The following MACROD1 variants were observed in gnomAD, a reference collection of about 807,000 sequenced individuals.
MACROD1 encodes the protein mono-ADP ribosylhydrolase 1.
Under a neutral mutation model 41.4 loss-of-function variants are expected in MACROD1, and 31 were observed. The ratio of observed to expected loss-of-function variants is 0.75; its 90% confidence interval spans 0.56 to 1.01. The LOEUF (loss-of-function observed/expected upper bound fraction) is 1.01. Among genes scored for constraint, MACROD1 ranks in the 50% least tolerant of loss-of-function variants. The probability of loss-of-function intolerance (pLI) is 0.00; values close to 1 mark genes in which losing one functional copy is unlikely to be tolerated. For synonymous variants in MACROD1, 252 were observed against 203.4 expected, an observed-to-expected ratio of 1.24 and a Z score of -2.03; for missense variants, 473 against 460.0, an observed-to-expected ratio of 1.03 and a Z score of -0.26.
chr11:64,100,796 C>T (rs138991506), intron 3 of MACROD1, among the ~76,000 whole-genome samples: 125 of 152,286 alleles, frequency 8.2e-4, no homozygotes, highest in Non-Finnish European at 1.5e-3. Context: ...AGGGCACAGA[C>T]GCTGAGGAGC....
At chr11:64,150,105 G>T (rs1290617272) in intron 3 of MACROD1, among the ~76,000 whole-genome samples, 3 of 152,358 alleles carry the variant, frequency 2.0e-5, no homozygotes, top group Admixed American at 2.0e-4. Flanking sequence ...CAGCTTTGCA[G>T]TCAACAGTGG....
rs1212100317 is a variant in MACROD1, at chr11:64,036,455, C to T, written c.518-21174G>A. Among the ~76,000 whole-genome samples, 3 of 151,394 alleles carry T rather than the reference C, an allele frequency of 2.0e-5. No homozygotes were observed. Among genetic ancestry groups the T allele is most frequent in the African/African-American group, 7.3e-5 (3 of 41,216 alleles). ...GCCGAGGCTGGAAAGGGCGGGGGCT[C>T]AGCTGGAGCTCTAGTCCAAGCCCTC... On this transcript the variant is annotated intron_variant, in intron 3 of 10. Coordinates refer to ENST00000255681, the MANE Select transcript of MACROD1 (RefSeq NM_014067.4). The surrounding 1 kb of genome is among the most constrained non-coding windows in gnomAD (Gnocchi z 5.6).
intron 3 of MACROD1, among the ~76,000 whole-genome samples, chr11:64,043,046 G>T (rs886663546): frequency 6.6e-6 from 1 of 152,156 alleles, no homozygotes; most frequent in African/African-American, 2.4e-5. Context: ...ACTTGGGCTC[G>T]AAGCCCACCT....
Position 64,089,673 on chromosome 11 carries a change from G to A in MACROD1, c.517+61566C>T, listed in dbSNP as rs565020915. Among the ~76,000 whole-genome samples the A allele has an allele frequency of 2.0e-5, 3 of 152,342 alleles. No homozygotes were observed. The East Asian group carries it at 5.8e-4, about 29-fold the overall frequency. ...TCCTGGGGTGGAGGTGATGCCTTGA[G>A]AGAAGCTGGCCCAGGGCCTGGACAA... On this transcript the variant is annotated intron_variant, in intron 3 of 10. Transcript: ENST00000255681.
At chr11:64,073,909 G>T (rs1944154330) in intron 3 of MACROD1, among the ~76,000 whole-genome samples, 1 of 152,194 alleles carries the variant, frequency 6.6e-6, no homozygotes, top group Admixed American at 6.5e-5. Context: ...CTCTGGGGTT[G>T]AAGGGTTGGT....
intron 3 of MACROD1, among the ~76,000 whole-genome samples, chr11:64,021,733 T>C (rs1233616655): frequency 1.3e-5 from 2 of 151,612 alleles, no homozygotes; most frequent in Non-Finnish European, 2.9e-5. Context: ...GTGAGCCGGA[T>C]CTCAGCCTTC....
At chr11:64,099,851 GAATA>G (rs1944641065) in intron 3 of MACROD1, among the ~76,000 whole-genome samples, 1 of 151,854 alleles carries the variant, frequency 6.6e-6, no homozygotes, top group African/African-American at 2.4e-5. Context: ...ATGGATGAAT[GAATA>G]GAGAAATGGT....
chr11:64,111,521 C>T (rs1247722263), intron 3 of MACROD1, among the ~76,000 whole-genome samples: 3 of 152,224 alleles, frequency 2.0e-5, no homozygotes, highest in East Asian at 1.9e-4. Flanking sequence ...AAGGGACAGA[C>T]GTGCAGTGGG....
chr11:64,086,719 G>A (rs1234176980), intron 3 of MACROD1, among the ~76,000 whole-genome samples: 2 of 152,184 alleles, frequency 1.3e-5, no homozygotes, highest in African/African-American at 4.8e-5. Context: ...CATGAAGAAG[G>A]AAGGTTCTCG....
chr11:64,072,089 C>A (rs746282068), intron 3 of MACROD1, among the ~76,000 whole-genome samples: 8 of 152,250 alleles, frequency 5.3e-5, no homozygotes, highest in Non-Finnish European at 8.8e-5. Context: ...CGAATCGAAT[C>A]GACTGCTGAA....
At chr11:64,136,017 A>C (rs1364844297) in intron 3 of MACROD1, among the ~76,000 whole-genome samples, 1 of 152,192 alleles carries the variant, frequency 6.6e-6, no homozygotes, top group Admixed American at 6.5e-5. Flanking sequence ...CGTCCTAGGC[A>C]GCCAAACCCA....
At chr11:64,057,563 G>A (rs1943812603) in intron 3 of MACROD1, among the ~76,000 whole-genome samples, 1 of 152,208 alleles carries the variant, frequency 6.6e-6, no homozygotes, top group Admixed American at 6.5e-5. Flanking sequence ...ATGAGAGAGG[G>A]GCTGGCATCC....
chr11:64,054,936 C>T (rs1943757300), intron 3 of MACROD1, among the ~76,000 whole-genome samples: 2 of 152,208 alleles, frequency 1.3e-5, no homozygotes, highest in South Asian at 2.1e-4. Flanking sequence ...CCCTGCTCTT[C>T]ACCGCTGAAT....
chr11:64,103,395 T>C (rs1267436177), intron 3 of MACROD1: 1 of 152,082 alleles, frequency 6.6e-6, no homozygotes, highest in Non-Finnish European at 1.5e-5. Flanking sequence ...CTCAGCTGCA[T>C]GTGTCAGCAG....
chr11:64,039,621 C>G (rs1294240415), intron 3 of MACROD1, among the ~76,000 whole-genome samples: 1 of 152,228 alleles, frequency 6.6e-6, no homozygotes, highest in Non-Finnish European at 1.5e-5. Context: ...TCCCCCCGGA[C>G]AGCCTGCCTG....
At chr11:64,117,751 C>G (rs755883574) in intron 3 of MACROD1, 11 of 1,613,934 alleles carry the variant, frequency 6.8e-6, no homozygotes, top group Non-Finnish European at 9.3e-6. Context: ...TACCTGCTGA[C>G]AGCCCTGGAG....
intron 3 of MACROD1, chr11:64,138,682 G>A (rs1945366470): frequency 2.6e-6 from 1 of 383,834 alleles, no homozygotes; most frequent in African/African-American, 2.2e-5. Context: ...CCGAAGACAG[G>A]GAGGAGGCAG....
At chr11:64,102,349 G>A (rs666497) in intron 3 of MACROD1, among the ~76,000 whole-genome samples, 7 of 151,926 alleles carry the variant, frequency 4.6e-5, no homozygotes, top group African/African-American at 1.2e-4. Flanking sequence ...GGGCGGCTGC[G>A]GGTGTTGAGG....
At chr11:64,130,080 G>A (rs906098793) in intron 3 of MACROD1, among the ~76,000 whole-genome samples, 12 of 151,990 alleles carry the variant, frequency 7.9e-5, no homozygotes, top group Admixed American at 1.3e-4. Flanking sequence ...GTGGTCCCCC[G>A]AGAAACCTAC....
Sources: gnomAD v4.1 joint callset for allele counts (sites outside exome capture counted in the v4.1 genomes callset) on GRCh38, gnomAD v4.1.1 for gene constraint, Gnocchi (gnomAD v3.1) non-coding constraint, MANE v1.5 for transcripts, NCBI Gene and HGNC (gene_info 2026-07-23, HGNC 2026-07-21) for gene names.